NEK10: variants seen among roughly 807,000 people sequenced by gnomAD.
The protein encoded by NEK10 is NIMA related kinase 10, also known as serine/threonine-protein kinase Nek10.
Under a neutral mutation model 159.8 loss-of-function variants are expected in NEK10, and 122 were observed. The observed-to-expected ratio is 0.76, with a 90% CI of 0.66 to 0.89. The LOEUF (loss-of-function observed/expected upper bound fraction) is 0.89, where lower values mean the gene tolerates loss of function less well. Ranked by LOEUF, NEK10 falls within the 40% of genes least tolerant of loss-of-function variation. The pLI is 0.00. For synonymous variants in NEK10, 466 were observed against 457.1 expected (o/e 1.02, Z -0.25); for missense variants, 1,342 against 1,323.1 (o/e 1.01, Z -0.22).
intron 5 of NEK10, among the ~76,000 whole-genome samples, chr3:27,340,172 CA>C (rs2047101482): frequency 6.6e-6 from 1 of 152,156 alleles, no homozygotes; most frequent in South Asian, 2.1e-4. Context: ...GAATACTATG[CA>C]GCCATAAAAA....
intron 4 of NEK10, 24 bp from the exon 5 acceptor site, chr3:27,344,394 G>T: frequency 2.4e-6 from 3 of 1,261,792 alleles, no homozygotes; most frequent in Non-Finnish European, 3.4e-6. Flanking sequence ...AACAGAAAAG[G>T]ATTTTGTAAT....
intron 23 of NEK10, among the ~76,000 whole-genome samples, chr3:27,225,766 T>C (rs1952572226): frequency 6.6e-6 from 1 of 152,168 alleles, no homozygotes; most frequent in South Asian, 2.1e-4. Flanking sequence ...ATACATACTT[T>C]CTCCCATTTC....
chr3:27,218,170 G>A (rs1951717399), intron 23 of NEK10, among the ~76,000 whole-genome samples: 1 of 152,172 alleles, frequency 6.6e-6, no homozygotes, highest in Admixed American at 6.5e-5. Context: ...GTGAGAAGGA[G>A]CAGGACAGTG....
chr3:27,276,844 T>C (rs142168355), intron 22 of NEK10, among the ~76,000 whole-genome samples: 1 of 152,166 alleles, frequency 6.6e-6, no homozygotes, highest in East Asian at 1.9e-4. Flanking sequence ...TGGACAAAAG[T>C]GCAAGAGCCT....
rs1257759878 is a variant in NEK10 at position 27,109,433 on chromosome 3, T to C, written c.*1839A>G. Among the ~76,000 whole-genome samples the C allele has an allele frequency of 1.3e-5, 2 of 150,030 alleles. No homozygotes were observed. Among genetic ancestry groups the C allele is most frequent in the Admixed American group, 6.6e-5 (1 of 15,042 alleles). On this transcript the variant is annotated 3_prime_UTR_variant, in exon 36 of 36. Coordinates refer to ENST00000691995, the MANE Select transcript of NEK10 (RefSeq NM_001394966.1). ...TGGAAACATTTTGCTCACTTTCTGG[T>C]CAATAAGGCCAACTATATACACTTT...
intron 3 of NEK10, among the ~76,000 whole-genome samples, chr3:27,352,082 G>A (rs2048010072): frequency 6.6e-6 from 1 of 152,166 alleles, no homozygotes. Context: ...ATTGGGAAGA[G>A]TAAGGGGGAA....
At position 27,109,492 on chromosome 3, in the gene NEK10, T is replaced by TA. The variant is rs1939311830; in HGVS notation, c.*1779dup. ...TTCAAGTAAACCATTTATCTTCCCT[T>TA]ACCACGGTACACCTTTTGAATACTA... On this transcript the variant is annotated 3_prime_UTR_variant, in exon 36 of 36. Coordinates refer to ENST00000691995, the MANE Select transcript of NEK10 (RefSeq NM_001394966.1). 6.6e-6 allele frequency among the ~76,000 whole-genome samples: 1 copy of TA among 152,128 alleles called. No individual in the cohort carries two copies. The highest frequency in any genetic ancestry group is 6.5e-5 in the Admixed American group (1 of 15,270).
chr3:27,134,402 C>G (rs1942967238), intron 31 of NEK10, among the ~76,000 whole-genome samples: 1 of 152,194 alleles, frequency 6.6e-6, no homozygotes, highest in African/African-American at 2.4e-5. Flanking sequence ...CCTCTAGCTG[C>G]TGCCCAGCTG....
chr3:27,176,533 C>A (rs1947525341), intron 26 of NEK10, among the ~76,000 whole-genome samples: 1 of 152,174 alleles, frequency 6.6e-6, no homozygotes, highest in African/African-American at 2.4e-5. Flanking sequence ...ATACCAAATC[C>A]AGGAGCTCTT....
chr3:27,325,369 G>A (rs536092941), intron 5 of NEK10, among the ~76,000 whole-genome samples: 48 of 152,298 alleles, frequency 3.2e-4, no homozygotes, highest in Admixed American at 2.8e-3. Context: ...AGCTGATTGT[G>A]TATCCAGCAA....
At chr3:27,237,711 T>C (rs1156525398) in intron 23 of NEK10, among the ~76,000 whole-genome samples, 2 of 151,596 alleles carry the variant, frequency 1.3e-5, no homozygotes, top group Non-Finnish European at 2.9e-5. Flanking sequence ...TTGGATAGAG[T>C]GTACATTGCT....
intron 16 of NEK10, 107 bp downstream of exon 16, chr3:27,293,481 C>T (rs1205837981): frequency 7.1e-6 from 4 of 562,868 alleles, no homozygotes; most frequent in Non-Finnish European, 1.3e-5. Context: ...GGTTTGCATA[C>T]TGACGCATTA....
intron 25 of NEK10, among the ~76,000 whole-genome samples, chr3:27,197,082 T>C (rs1026039182): frequency 4.6e-5 from 7 of 152,138 alleles, no homozygotes; most frequent in African/African-American, 1.4e-4. Flanking sequence ...CACATCAGCC[T>C]AATGAGACTG....
intron 23 of NEK10, chr3:27,215,039 C>A (rs751345527): frequency 1.0e-5 from 6 of 595,486 alleles, no homozygotes; most frequent in Non-Finnish European, 1.9e-5. Context: ...ACCGGCGCCT[C>A]CAGCTTTCCT....
At chr3:27,262,001 C>T (rs766128378) in intron 22 of NEK10, among the ~76,000 whole-genome samples, 93 of 152,134 alleles carry the variant, frequency 6.1e-4, no homozygotes, top group Non-Finnish European at 1.2e-3. Context: ...CTCTTTTGTT[C>T]TTTGTTGGTT....
intron 3 of NEK10, among the ~76,000 whole-genome samples, chr3:27,347,945 G>T (rs2047685853): frequency 6.6e-6 from 1 of 152,234 alleles, no homozygotes; most frequent in African/African-American, 2.4e-5. Context: ...TATGAAAATT[G>T]CATGAGTTAC....
chr3:27,183,917 C>T lies in NEK10; in HGVS notation c.2505+8112G>A, dbSNP rs574564354. Among the ~76,000 whole-genome samples, 19 of 152,192 alleles carry T rather than the reference C, an allele frequency of 1.2e-4. No homozygotes were observed. In the East Asian group the frequency reaches 1.7e-3, roughly 14 times the overall value. ...ATCATTACACCTCAAAGGCTAAAAT[C>T]GGAAAGACTGACAATACCAAATAGT... On this transcript the variant is annotated intron_variant, in intron 26 of 35. Coordinates refer to ENST00000691995, the MANE Select transcript of NEK10 (RefSeq NM_001394966.1).
At chr3:27,119,533 G>A (rs924944229) in intron 33 of NEK10, among the ~76,000 whole-genome samples, 1 of 152,098 alleles carries the variant, frequency 6.6e-6, no homozygotes, top group Non-Finnish European at 1.5e-5. Flanking sequence ...AGATTCTGCT[G>A]TTTGTTTATG....
At chr3:27,153,821 T>C (rs1213117572) in intron 30 of NEK10, among the ~76,000 whole-genome samples, 5 of 152,128 alleles carry the variant, frequency 3.3e-5, no homozygotes, top group African/African-American at 9.7e-5. Context: ...CTAAGAGGAA[T>C]GTTCATAGCC....
Sources: gnomAD v4.1 joint callset for allele counts (sites outside exome capture counted in the v4.1 genomes callset) on GRCh38, gnomAD v4.1.1 for gene constraint, MANE v1.5 for transcripts, NCBI Gene and HGNC (gene_info 2026-07-23, HGNC 2026-07-21) for gene names.